Variants in CCDC3 observed in about 807,000 individuals in gnomAD.
CCDC3 encodes coiled-coil domain containing 3.
Under a neutral mutation model 21.4 loss-of-function variants are expected in CCDC3, and 24 were observed. The ratio of observed to expected loss-of-function variants is 1.12; its 90% CI spans 0.81 to 1.58. The LOEUF is 1.58. Among genes scored for constraint, CCDC3 ranks in the 40% most tolerant of loss-of-function variants. CCDC3 has a pLI of 0.00. For missense variants in CCDC3, 425 were observed against 360.9 expected (o/e 1.18, Z -1.44); for synonymous variants, 186 against 166.0 (o/e 1.12, Z -0.93).
Position 13,066,303 on chromosome 10 carries a change from T to G in CCDC3, c.-270+7565A>C, listed in dbSNP as rs182968097. Among the ~76,000 whole-genome samples the G allele has an allele frequency of 3.3e-4, 51 of 152,330 alleles. No homozygotes were observed. The East Asian group carries it at 8.1e-3, about 24-fold the overall frequency. On this transcript the variant is annotated intron_variant, in intron 4 of 6. Coordinates refer to the CCDC3 transcript ENST00000378839. ...CTCTGAGTAGCTGGGACCACAGGTA[T>G]GCACCACCACGCTCAGCTAATCAGG...
chr10:13,093,844 A>T (rs1307909622), intron 3 of CCDC3, among the ~76,000 whole-genome samples: 8 of 152,228 alleles, frequency 5.3e-5, no homozygotes, highest in African/African-American at 1.9e-4. Flanking sequence ...AATCCAAAGA[A>T]GCTAAAACTA....
At chr10:12,989,138 A>G (rs966011418) in intron 2 of CCDC3, among the ~76,000 whole-genome samples, 2 of 152,188 alleles carry the variant, frequency 1.3e-5, no homozygotes, top group Admixed American at 6.5e-5. Context: ...AACGCTGCCC[A>G]TGCAGCTGCC....
chr10:13,093,221 T>C (rs1269870620), intron 3 of CCDC3, among the ~76,000 whole-genome samples: 3 of 151,966 alleles, frequency 2.0e-5, no homozygotes, highest in African/African-American at 4.8e-5. Context: ...GGCCTCACAA[T>C]CATAGCGGAA....
At chr10:12,908,529 C>T (rs1440869559) in intron 2 of CCDC3, among the ~76,000 whole-genome samples, 2 of 151,944 alleles carry the variant, frequency 1.3e-5, no homozygotes, top group African/African-American at 2.4e-5. Flanking sequence ...ATACTGATTT[C>T]AACTCTAAAT....
At chr10:12,956,391 C>T (rs1365760664) in intron 2 of CCDC3, among the ~76,000 whole-genome samples, 2 of 152,136 alleles carry the variant, frequency 1.3e-5, no homozygotes, top group Non-Finnish European at 2.9e-5. Flanking sequence ...TCTGTCATGG[C>T]TGCCGTGTCC....
intron 4 of CCDC3, among the ~76,000 whole-genome samples, chr10:13,068,017 A>C (rs970510929): frequency 7.9e-5 from 12 of 152,090 alleles, no homozygotes; most frequent in Non-Finnish European, 1.5e-4. Context: ...TGTCACTCTT[A>C]ATGTATGCAT....
Position 12,971,527 on chromosome 10 carries a change from C to T in CCDC3, c.549+26811G>A, listed in dbSNP as rs1444475123. ...CCTCCTGGCATCCTGAATGTCAGCTCCTGGCACTGCTACCCTATTGTCCCC... is the reference window on the plus strand; with the variant it reads ...CCTCCTGGCATCCTGAATGTCAGCTTCTGGCACTGCTACCCTATTGTCCCC... On this transcript the variant is annotated intron_variant, in intron 2 of 2. Transcript: ENST00000378825. Among the ~76,000 whole-genome samples the T allele has an allele frequency of 5.9e-5, 9 of 152,168 alleles. 1 individual carries two copies. The highest frequency in any genetic ancestry group is 5.9e-4 in the Admixed American group (9 of 15,280).
At chr10:12,909,571 A>G (rs560404723) in intron 2 of CCDC3, among the ~76,000 whole-genome samples, 15 of 152,144 alleles carry the variant, frequency 9.9e-5, no homozygotes, top group Non-Finnish European at 2.2e-4. Flanking sequence ...GGCCCAGTCA[A>G]AGCTTACCCC....
At chr10:12,976,418 A>G (rs1044661122) in intron 2 of CCDC3, among the ~76,000 whole-genome samples, 1 of 152,130 alleles carries the variant, frequency 6.6e-6, no homozygotes, top group Non-Finnish European at 1.5e-5. Flanking sequence ...GGTACAATGG[A>G]GAAAGGTGTG....
chr10:12,991,302 GT>G (rs933425187), intron 2 of CCDC3, among the ~76,000 whole-genome samples: 2 of 140,766 alleles, frequency 1.4e-5, no homozygotes, highest in African/African-American at 2.7e-5. Context: ...TTGAACATAT[GT>G]TTTTTTTGTT....
intron 2 of CCDC3, among the ~76,000 whole-genome samples, chr10:12,913,131 C>T (rs984519859): frequency 6.6e-6 from 1 of 152,088 alleles, no homozygotes; most frequent in African/African-American, 2.4e-5. Flanking sequence ...TGAAAAATTC[C>T]ATTAAGGTTT....
intron 2 of CCDC3, chr10:12,924,727 C>G (rs778768666): frequency 6.6e-6 from 1 of 152,316 alleles, no homozygotes; most frequent in East Asian, 1.9e-4. Flanking sequence ...CCAGGCCAGA[C>G]CCTGCTTAGC....
intron 4 of CCDC3, among the ~76,000 whole-genome samples, chr10:13,055,996 C>T (rs984719559): frequency 1.3e-5 from 2 of 152,216 alleles, no homozygotes; most frequent in Non-Finnish European, 2.9e-5. Flanking sequence ...TGGATACTTC[C>T]TATGAAATAT....
At chr10:13,057,942 C>T (rs1425157654) in intron 4 of CCDC3, 10 of 592,258 alleles carry the variant, frequency 1.7e-5, no homozygotes, top group African/African-American at 3.7e-5. Context: ...TCTCATATAG[C>T]AGCATGAGCT....
chr10:12,957,567 G>A (rs1835109805), intron 2 of CCDC3, among the ~76,000 whole-genome samples: 2 of 152,332 alleles, frequency 1.3e-5, no homozygotes, highest in Admixed American at 1.3e-4. Context: ...GAGGTGAATG[G>A]ATCAGGGGAG....
intron 5 of CCDC3, among the ~76,000 whole-genome samples, chr10:13,033,907 G>T (rs949796951): frequency 1.3e-5 from 2 of 152,200 alleles, no homozygotes; most frequent in Non-Finnish European, 2.9e-5. Flanking sequence ...CTGTAAACTA[G>T]TTCAACCACT....
At chr10:13,079,699 A>G (rs1837010637) in intron 3 of CCDC3, among the ~76,000 whole-genome samples, 1 of 152,230 alleles carries the variant, frequency 6.6e-6, no homozygotes, top group Admixed American at 6.5e-5. Flanking sequence ...AACGTCCAGT[A>G]GTAAAAAGGA....
chr10:13,001,459 C>A lies in CCDC3; in HGVS notation c.112G>T (p.Glu38Ter). 1 of 1,441,040 alleles carries A rather than the reference C, an allele frequency of 6.9e-7. No homozygotes were observed. Among genetic ancestry groups the A allele is most frequent in the South Asian group, 1.5e-5 (1 of 68,450 alleles). The allele number at this position is 1,441,040 out of a possible 1,614,324, so 89.3% of individuals were successfully genotyped here. A position where few individuals can be genotyped will look rare whatever the true frequency, so the allele number is the denominator to read the frequency against. ...WRPLSEGCRAELAETIVYARV... is the reference protein window; with the variant it reads ...WRPLSEGCRA ...GCGTACACGATGGTCTCGGCCAGCT[C>A]GGCGCGGCAGCCCTCGCTCAGGGGC... is the stretch of plus-strand genomic sequence containing the variant. The change falls in exon 1 of 3, where the codon GAG (glutamate) becomes TAG (stop). Residue 38 changes from glutamate to a stop codon, truncating the protein, a stop_gained. Transcript: ENST00000378825. LOFTEE classifies it high-confidence loss of function.
At chr10:12,961,630 A>G (rs1045766178) in intron 2 of CCDC3, among the ~76,000 whole-genome samples, 4 of 152,320 alleles carry the variant, frequency 2.6e-5, no homozygotes, top group African/African-American at 9.6e-5. Flanking sequence ...AGCTTGAAGC[A>G]ACTCAGGACA....
Sources: gnomAD v4.1 joint callset for allele counts (sites outside exome capture counted in the v4.1 genomes callset) on GRCh38, gnomAD v4.1.1 for gene constraint, MANE v1.5 for transcripts, NCBI Gene and HGNC (gene_info 2026-07-23, HGNC 2026-07-21) for gene names.